The following FAF1 variants were observed in gnomAD, a reference collection of about 807,000 sequenced individuals.
The protein encoded by FAF1 is Fas associated factor 1.
Under a neutral mutation model 92.5 loss-of-function variants are expected in FAF1, and 25 were observed. That is an observed-to-expected ratio of 0.27 (90% confidence interval 0.20 to 0.38). The LOEUF is 0.38. FAF1 is among the 10% of genes least tolerant of loss of function. FAF1 has a pLI of 1.00. For synonymous variants in FAF1, 234 were observed against 273.2 expected, an observed-to-expected ratio of 0.86 and a Z score of 1.42; for missense variants, 636 against 793.3, an observed-to-expected ratio of 0.80 and a Z score of 2.38.
chr1:50,450,404 T>C (rs1646281438), intron 18 of FAF1, among the ~76,000 whole-genome samples: 1 of 152,214 alleles, frequency 6.6e-6, no homozygotes, highest in African/African-American at 2.4e-5. Context: ...GCCAGAATTG[T>C]ACCCTGGTTT....
chr1:50,786,147 TCA>T (rs1349643512), intron 4 of FAF1, among the ~76,000 whole-genome samples: 12 of 144,404 alleles, frequency 8.3e-5, no homozygotes, highest in African/African-American at 2.8e-4. Context: ...AAAAAAAAAA[TCA>T]CATTCTCATG....
chr1:50,826,362 C>T (rs1644097556), intron 2 of FAF1, among the ~76,000 whole-genome samples: 1 of 151,786 alleles, frequency 6.6e-6, no homozygotes, highest in Non-Finnish European at 1.5e-5. Context: ...ACCAGCTTAG[C>T]CAACATGGTG....
At chr1:50,634,270 C>T (rs1653916730) in intron 8 of FAF1, among the ~76,000 whole-genome samples, 2 of 152,020 alleles carry the variant, frequency 1.3e-5, no homozygotes. Context: ...TTTCTGTTAC[C>T]TCCAAAACAG....
At chr1:50,681,358 T>A (rs1656412467) in intron 7 of FAF1, among the ~76,000 whole-genome samples, 1 of 152,056 alleles carries the variant, frequency 6.6e-6, no homozygotes, top group South Asian at 2.1e-4. Flanking sequence ...AATTAACTTC[T>A]ATCACTTAAC....
rs541707223 is a variant in FAF1 at position 50,558,581 on chromosome 1, C to T, written c.1268+8496G>A. ...GTAATTGGGAGATGACCAAGGAGAACACCAACAGACTTATAAGAAAGATCT... is the reference window on the plus strand; with the variant it reads ...GTAATTGGGAGATGACCAAGGAGAATACCAACAGACTTATAAGAAAGATCT... On this transcript the variant is annotated intron_variant, in intron 13 of 18. Coordinates refer to ENST00000396153, the MANE Select transcript of FAF1 (RefSeq NM_007051.3). Among the ~76,000 whole-genome samples, 9 of 152,254 alleles carry T rather than the reference C, an allele frequency of 5.9e-5. No homozygotes were observed. The East Asian group carries it at 1.7e-3, about 29-fold the overall frequency.
intron 15 of FAF1, among the ~76,000 whole-genome samples, chr1:50,528,482 G>A (rs1014761937): frequency 5.9e-5 from 9 of 151,984 alleles, no homozygotes; most frequent in Non-Finnish European, 1.3e-4. Flanking sequence ...TGACACTAGG[G>A]GTAAATGGAT....
intron 2 of FAF1, among the ~76,000 whole-genome samples, chr1:50,835,858 G>A (rs749161790): frequency 5.3e-5 from 8 of 152,014 alleles, no homozygotes; most frequent in Non-Finnish European, 7.4e-5. Context: ...GTAGATCAAG[G>A]CACCATTACC....
rs1646142886 is a variant in FAF1, at chr1:50,438,175, A to T, written c.*3265T>A. 1 of 152,198 alleles carries T rather than the reference A, an allele frequency of 6.6e-6. No individual in the cohort carries two copies. The highest frequency in any genetic ancestry group is 6.5e-5 in the Admixed American group (1 of 15,272). The allele number at this position is 152,198 out of a possible 1,614,324, so 9.4% of individuals were successfully genotyped here. On this transcript the variant is annotated 3_prime_UTR_variant, in exon 19 of 19. Transcript: ENST00000396153. ...CTCTAAGCCCCTTGTGCAAAAATGG[A>T]ATCATCATCTCTGCCCTGCTTCCCT...
At chr1:50,490,783 C>T (rs573769994) in intron 16 of FAF1, 118 bp from the exon 17 acceptor site, 3 of 723,158 alleles carry the variant, frequency 4.1e-6, no homozygotes, top group Admixed American at 2.2e-5. Context: ...CATTCAAAGG[C>T]TCATTGTCAA....
intron 4 of FAF1, chr1:50,781,073 T>C (rs554416998): frequency 2.0e-5 from 8 of 399,176 alleles, no homozygotes; most frequent in East Asian, 7.8e-5. Context: ...ACAGAGGACA[T>C]TGAGTACCAG....
rs544535946 is a variant in FAF1, at chr1:50,870,413, C to T, written c.46-12416G>A. 6.6e-5 allele frequency among the ~76,000 whole-genome samples: 10 copies of T among 152,338 alleles called. No homozygotes were observed. In the South Asian group the frequency reaches 1.4e-3, roughly 22 times the overall value. ...CACAAGTTGCAGAGAGCCGAGATTG[C>T]GCCACTGCACTCCCGCCTGGGTGAC... On this transcript the variant is annotated intron_variant, in intron 1 of 18. Transcript: ENST00000396153.
chr1:50,707,019 C>T (rs182868403), intron 6 of FAF1, among the ~76,000 whole-genome samples: 1 of 151,934 alleles, frequency 6.6e-6, no homozygotes, highest in Admixed American at 6.6e-5. Context: ...CTGGCTAACA[C>T]GGTAAAACCC....
chr1:50,734,772 G>A (rs1458301375), intron 6 of FAF1, among the ~76,000 whole-genome samples: 2 of 151,630 alleles, frequency 1.3e-5, no homozygotes, highest in Non-Finnish European at 2.9e-5. Flanking sequence ...ACATGTAGTA[G>A]TACAGAGACA....
chr1:50,550,639 A>G (rs1649268142), intron 13 of FAF1, among the ~76,000 whole-genome samples: 1 of 152,210 alleles, frequency 6.6e-6, no homozygotes, highest in Non-Finnish European at 1.5e-5. Context: ...TTTAAGGACC[A>G]CATCACCTAA....
intron 8 of FAF1, among the ~76,000 whole-genome samples, chr1:50,603,213 T>A (rs1265565922): frequency 6.6e-6 from 1 of 152,206 alleles, no homozygotes; most frequent in East Asian, 1.9e-4. Context: ...CTAGATACCA[T>A]CCATTAGTCA....
intron 1 of FAF1, among the ~76,000 whole-genome samples, chr1:50,880,762 T>C (rs1644605676): frequency 6.6e-6 from 1 of 152,180 alleles, no homozygotes; most frequent in Non-Finnish European, 1.5e-5. Flanking sequence ...ACAAGAGCAA[T>C]TAATGTAGGG....
chr1:50,647,005 C>T (rs1654623435), intron 8 of FAF1, among the ~76,000 whole-genome samples: 2 of 152,086 alleles, frequency 1.3e-5, no homozygotes, highest in South Asian at 4.2e-4. Context: ...GCCACCACGC[C>T]CAGCTAATTT....
At chr1:50,597,546 TTAAGTA>T (rs1260095425) in intron 8 of FAF1, among the ~76,000 whole-genome samples, 2 of 152,164 alleles carry the variant, frequency 1.3e-5, no homozygotes, top group African/African-American at 4.8e-5. Context: ...TAACATTATT[TTAAGTA>T]TATGTGTCCA....
intron 8 of FAF1, among the ~76,000 whole-genome samples, chr1:50,614,316 G>C (rs1652808868): frequency 6.6e-6 from 1 of 152,100 alleles, no homozygotes; most frequent in Non-Finnish European, 1.5e-5. Flanking sequence ...AAACCAGGCA[G>C]AAACTATTGT....
Sources: gnomAD v4.1 joint callset for allele counts (sites outside exome capture counted in the v4.1 genomes callset) on GRCh38, gnomAD v4.1.1 for gene constraint, MANE v1.5 for transcripts, NCBI Gene and HGNC (gene_info 2026-07-23, HGNC 2026-07-21) for gene names.